HMGB2: variants seen among roughly 807,000 people sequenced by gnomAD.
HMGB2 encodes the protein high mobility group protein B2.
A neutral mutation model predicts 23.0 loss-of-function variants in HMGB2; 2 were observed. That is an observed-to-expected ratio of 0.09 (90% confidence interval 0.04 to 0.27). The LOEUF is 0.27. HMGB2 is among the 10% of genes least tolerant of loss of function. The pLI is 1.00. For missense variants in HMGB2, 178 were observed against 256.5 expected (o/e 0.69, Z 2.09); for synonymous variants, 99 against 87.5 (o/e 1.13, Z -0.73).
chr4:173,333,700 C>T lies in HMGB2; in HGVS notation c.-20-31G>A. 3 of 1,526,594 alleles carry T rather than the reference C, an allele frequency of 2.0e-6. No individual in the cohort carries two copies. The highest frequency in any genetic ancestry group is 1.2e-5 in the South Asian group (1 of 83,224). 94.6% of individuals were successfully genotyped at this position (1,526,594 alleles called of 1,614,324 possible). On this transcript the variant is annotated intron_variant, in intron 1 of 4. Coordinates refer to ENST00000296503, the MANE Select transcript of HMGB2 (RefSeq NM_002129.4). The surrounding 1 kb of genome is among the most constrained non-coding windows in gnomAD (Gnocchi z 4.6). The stretch of plus-strand genomic sequence containing the variant: ...GGGGCCGAGGGGGGAGAGGGGAAGC[C>T]GGAGGGTCGGCGCGGAGCCCGCAGC...
chr4:173,332,628 T>C, intron 4 of HMGB2, 193 bp downstream of exon 4: 1 of 587,998 alleles, frequency 1.7e-6, no homozygotes, highest in Non-Finnish European at 3.0e-6. Flanking sequence ...AGGAATATAC[T>C]AGTGCTACAA....
chr4:173,333,822 G>GCCGCCCGCGCCC lies in HMGB2; in HGVS notation c.-20-165_-20-154dup, dbSNP rs1244437376. On this transcript the variant is annotated intron_variant, in intron 1 of 4. Coordinates refer to ENST00000296503, the MANE Select transcript of HMGB2 (RefSeq NM_002129.4). The surrounding 1 kb of genome is among the most constrained non-coding windows in gnomAD (Gnocchi z 4.6). ...TCCCGAGGGCGTCCTCCCAAGGGCG[G>GCCGCCCGCGCCC]CCGCCCGCGCCCCCGCCCGCGCCCC... 59 of 400,350 alleles carry GCCGCCCGCGCCC rather than the reference G, an allele frequency of 1.5e-4. No homozygotes were observed. The highest frequency in any genetic ancestry group is 5.4e-4 in the Admixed American group (11 of 20,538). 24.8% of individuals were successfully genotyped at this position (400,350 alleles called of 1,614,324 possible).
rs33987506 is a variant in HMGB2 at position 173,331,394 on chromosome 4, A to ATATATATATATATATATG, written c.*685_*686insCATATATATATATATATA. ...TATATACATATATATATATATATATATGTATATATATATACACACACCTGA... is the reference window on the plus strand; with the variant it reads ...TATATACATATATATATATATATATATATATATATATATATATGTGTATATATATATACACACACCTGA... On this transcript the variant is annotated 3_prime_UTR_variant, in exon 5 of 5. Coordinates refer to ENST00000296503, the MANE Select transcript of HMGB2 (RefSeq NM_002129.4). Among the ~76,000 whole-genome samples the ATATATATATATATATATG allele has an allele frequency of 3.6e-4, 50 of 138,848 alleles. 1 individual carries two copies. Among genetic ancestry groups the ATATATATATATATATATG allele is most frequent in the African/African-American group, 1.3e-3 (46 of 34,378 alleles). The allele number at this position is 138,848 out of a possible 152,430, so 91.1% of individuals were successfully genotyped here.
At chr4:173,334,156 A>G in intron 1 of HMGB2, 116 bp downstream of exon 1, 1 of 152,352 alleles carries the variant, frequency 6.6e-6, no homozygotes, top group South Asian at 2.1e-4. Flanking sequence ...CCCGCACCCC[A>G]AATGCCGCTC....
chr4:173,332,793 C>T, intron 4 of HMGB2, 28 bp downstream of exon 4: 1 of 1,593,310 alleles, frequency 6.3e-7, no homozygotes, highest in South Asian at 1.1e-5. Flanking sequence ...TAGTCTTATC[C>T]ACGGCTTTAA....
Position 173,333,376 on chromosome 4 carries a change from G to C in HMGB2, c.150+124C>G, listed in dbSNP as rs142754748. 3.0e-4 allele frequency: 412 copies of C among 1,386,358 alleles called. No homozygotes were observed. The African/African-American group carries it at 4.3e-3, about 14-fold the overall frequency. The allele number at this position is 1,386,358 out of a possible 1,614,324, so 85.9% of individuals were successfully genotyped here. On this transcript the variant is annotated intron_variant, in intron 2 of 4. Coordinates refer to ENST00000296503, the MANE Select transcript of HMGB2 (RefSeq NM_002129.4). This position sits in a 1 kb window ranked among gnomAD's most constrained non-coding sequence, Gnocchi z 4.6. The stretch of plus-strand genomic sequence containing the variant: ...AAAATCGTCTGCCTGGAACTCTTAA[G>C]ATATTCAGGTGAGTCACTGGGGTGG...
Position 173,333,301 on chromosome 4 carries a change from A to T in HMGB2, c.151-87T>A, listed in dbSNP as rs1738155794. The T allele has an allele frequency of 6.9e-7, 1 of 1,458,506 alleles. No homozygotes were observed. Among genetic ancestry groups the T allele is most frequent in the Non-Finnish European group, 9.3e-7 (1 of 1,075,150 alleles). The allele number at this position is 1,458,506 out of a possible 1,614,324, so 90.3% of individuals were successfully genotyped here. Reference sequence around the variant, plus strand: ...CGACAAGATCATCTTTAAGGACCACATTTTCCTTAACAGCATTTTGCTTTC... The same window carrying T: ...CGACAAGATCATCTTTAAGGACCACTTTTTCCTTAACAGCATTTTGCTTTC... On this transcript the variant is annotated intron_variant, in intron 2 of 4. Transcript: ENST00000296503. This position sits in a 1 kb window ranked among gnomAD's most constrained non-coding sequence, Gnocchi z 4.6.
chr4:173,333,544 C>T lies in HMGB2; in HGVS notation c.106G>A (p.Val36Ile). 1.2e-6 allele frequency: 2 copies of T among 1,614,016 alleles called. No individual in the cohort carries two copies. Among genetic ancestry groups the T allele is most frequent in the Admixed American group, 3.3e-5 (2 of 60,002 alleles). ...EHKKKHPDSSVNFAEFSKKCS... is the reference protein window; with the variant it reads ...EHKKKHPDSSINFAEFSKKCS... Reference sequence around the variant, plus strand: ...TTCTTGGAGAATTCCGCGAAATTGACGGAAGAGTCCGGGTGTTTCTTCTTG... The same window carrying T: ...TTCTTGGAGAATTCCGCGAAATTGATGGAAGAGTCCGGGTGTTTCTTCTTG... Residue 36 changes from valine to isoleucine, a missense_variant, in exon 2 of 5, where the codon GTC becomes ATC. Val to Ile is a conservative substitution (Grantham distance 29, BLOSUM62 3). Transcript: ENST00000296503. The surrounding 1 kb of genome is among the most constrained non-coding windows in gnomAD (Gnocchi z 4.6).
chr4:173,332,180 C>A lies in HMGB2; in HGVS notation c.530G>T (p.Arg177Met). Residue 177 changes from arginine to methionine, a missense_variant, in exon 5 of 5, where the codon AGG becomes ATG. Transcript: ENST00000296503. ...KSEAGKKGPGRPTGSKKKNEP... is the reference protein window; with the variant it reads ...KSEAGKKGPGMPTGSKKKNEP... ...GTTCTTCTTCTTTGAGCCTGTTGGC[C>A]TGCCAGGGCCCTTCTTTCCTGCTTC... 1 of 1,612,808 alleles carries A rather than the reference C, an allele frequency of 6.2e-7. No individual in the cohort carries two copies.
intron 4 of HMGB2, 173 bp from the exon 5 acceptor site, chr4:173,332,411 G>T (rs766678255): frequency 3.5e-6 from 2 of 569,104 alleles, no homozygotes; most frequent in East Asian, 3.0e-5. Context: ...AGTTAATGAC[G>T]TAAAATGACA....
rs1560810031 is a variant in HMGB2, at chr4:173,333,131, G to A, written c.234C>T (p.Tyr78=). 3 of 1,613,942 alleles carry A rather than the reference G, an allele frequency of 1.9e-6. No homozygotes were observed. Among genetic ancestry groups the A allele is most frequent in the African/African-American group, 2.7e-5 (2 of 74,918 alleles). The change falls in exon 3 of 5, where the codon TAC becomes TAT. Residue 78 remains tyrosine, a synonymous_variant. Coordinates refer to ENST00000296503, the MANE Select transcript of HMGB2 (RefSeq NM_002129.4). This position sits in a 1 kb window ranked among gnomAD's most constrained non-coding sequence, Gnocchi z 4.6. ...KARYDREMKN[Y]VPPKGDKKGK... is the part of the protein sequence containing the mutation. Reference sequence around the variant, plus strand: ...CCTTCTTATCACCTTTGGGAGGAACGTAATTTTTCATCTCCCTGTCATAGC... The same window carrying A: ...CCTTCTTATCACCTTTGGGAGGAACATAATTTTTCATCTCCCTGTCATAGC...
chr4:173,333,717 G>A lies in HMGB2; in HGVS notation c.-20-48C>T. Reference sequence around the variant, plus strand: ...GGGGAAGCCGGAGGGTCGGCGCGGAGCCCGCAGCTGCCAGGGCGGGCGCTG... The same window carrying A: ...GGGGAAGCCGGAGGGTCGGCGCGGAACCCGCAGCTGCCAGGGCGGGCGCTG... On this transcript the variant is annotated intron_variant, in intron 1 of 4. Coordinates refer to ENST00000296503, the MANE Select transcript of HMGB2 (RefSeq NM_002129.4). This position sits in a 1 kb window ranked among gnomAD's most constrained non-coding sequence, Gnocchi z 4.6. 7.0e-7 allele frequency: 1 copy of A among 1,428,546 alleles called. No homozygotes were observed. The highest frequency in any genetic ancestry group is 9.4e-7 in the Non-Finnish European group (1 of 1,061,236). The allele number at this position is 1,428,546 out of a possible 1,614,324, so 88.5% of individuals were successfully genotyped here. A position where few individuals can be genotyped will look rare whatever the true frequency, so the allele number is the denominator to read the frequency against.
chr4:173,333,493 G>A lies in HMGB2; in HGVS notation c.150+7C>T. 6.2e-7 allele frequency: 1 copy of A among 1,611,694 alleles called. No individual in the cohort carries two copies. Among genetic ancestry groups the A allele is most frequent in the Non-Finnish European group, 8.5e-7 (1 of 1,178,548 alleles). On this transcript the variant is annotated splice_region_variant and intron_variant, in intron 2 of 4. Transcript: ENST00000296503. This position sits in a 1 kb window ranked among gnomAD's most constrained non-coding sequence, Gnocchi z 4.6. Reference sequence around the variant, plus strand: ...ACCCCCTGAGCTCCGTCCCTCTCCTGCCTCACCTTCCATCTCTCCGAACAC... The same window carrying A: ...ACCCCCTGAGCTCCGTCCCTCTCCTACCTCACCTTCCATCTCTCCGAACAC...
At position 173,333,714 on chromosome 4, in the gene HMGB2, G is replaced by A; in HGVS notation, c.-20-45C>T. The A allele has an allele frequency of 6.8e-7, 1 of 1,465,530 alleles. No individual in the cohort carries two copies. The highest frequency in any genetic ancestry group is 9.2e-7 in the Non-Finnish European group (1 of 1,088,052). The allele number at this position is 1,465,530 out of a possible 1,614,324, so 90.8% of individuals were successfully genotyped here. ...AGAGGGGAAGCCGGAGGGTCGGCGC[G>A]GAGCCCGCAGCTGCCAGGGCGGGCG... On this transcript the variant is annotated intron_variant, in intron 1 of 4. Transcript: ENST00000296503. The surrounding 1 kb of genome is among the most constrained non-coding windows in gnomAD (Gnocchi z 4.6).
In HMGB2 at chr4:173,333,660, C is replaced by T; in HGVS notation, c.-11G>A. The T allele has an allele frequency of 1.3e-6, 2 of 1,596,980 alleles. No individual in the cohort carries two copies. Among genetic ancestry groups the T allele is most frequent in the Non-Finnish European group, 1.7e-6 (2 of 1,170,418 alleles). ...GTCTCCTTTACCCATGTTGACAGAT[C>T]CGCGTCCACCTGACGGGGCCGAGGG... On this transcript the variant is annotated 5_prime_UTR_variant, in exon 2 of 5. Coordinates refer to ENST00000296503, the MANE Select transcript of HMGB2 (RefSeq NM_002129.4). The surrounding 1 kb of genome is among the most constrained non-coding windows in gnomAD (Gnocchi z 4.6).
chr4:173,331,461 T>C lies in HMGB2; in HGVS notation c.*619A>G, dbSNP rs1319704700. On this transcript the variant is annotated 3_prime_UTR_variant, in exon 5 of 5. Transcript: ENST00000296503. ...TAAACAGAAACGTCAAGTACAAAACTTAACGTTCTGTAAAACTGCATAAAT... is the reference window on the plus strand; with the variant it reads ...TAAACAGAAACGTCAAGTACAAAACCTAACGTTCTGTAAAACTGCATAAAT... Among the ~76,000 whole-genome samples, 1 of 148,046 alleles carries C rather than the reference T, an allele frequency of 6.8e-6. No individual in the cohort carries two copies. Among genetic ancestry groups the C allele is most frequent in the Middle Eastern group, 3.5e-3 (1 of 284 alleles).
rs1313740423 is a variant in HMGB2 at position 173,332,004 on chromosome 4, T to C, written c.*76A>G. ...TACTGAAGCTAGTATTGAGCTGCAC[T>C]TGAATTCACATTCTTAGCAAAATAA... On this transcript the variant is annotated 3_prime_UTR_variant, in exon 5 of 5. Transcript: ENST00000296503. The C allele has an allele frequency of 1.0e-5, 16 of 1,597,610 alleles. No individual in the cohort carries two copies. The highest frequency in any genetic ancestry group is 1.3e-5 in the African/African-American group (1 of 74,490).
Position 173,333,241 on chromosome 4 carries a change from A to C in HMGB2, c.151-27T>G, listed in dbSNP as rs777127345. On this transcript the variant is annotated intron_variant, in intron 2 of 4. Transcript: ENST00000296503. The surrounding 1 kb of genome is among the most constrained non-coding windows in gnomAD (Gnocchi z 4.6). ...TGTGGACATAAAATAAGAGCCAAAA[A>C]TACAGCAAAATTGTTACCTATAAAC... The C allele has an allele frequency of 6.3e-7, 1 of 1,599,204 alleles. No homozygotes were observed. The highest frequency in any genetic ancestry group is 8.5e-7 in the Non-Finnish European group (1 of 1,174,274).
chr4:173,332,372 T>C, intron 4 of HMGB2, 134 bp from the exon 5 acceptor site: 1 of 655,950 alleles, frequency 1.5e-6, no homozygotes, highest in Non-Finnish European at 2.6e-6. Context: ...TCTAAGTTTT[T>C]AGAGCACTTA....
Sources: allele counts gnomAD v4.1 joint callset (sites outside exome capture counted in the v4.1 genomes callset), GRCh38; gene constraint gnomAD v4.1.1; non-coding constraint Gnocchi (gnomAD v3.1); transcripts MANE v1.5; gene names NCBI Gene and HGNC (gene_info 2026-07-23, HGNC 2026-07-21).